The following TRIM15 variants were observed in gnomAD, a reference collection of about 807,000 sequenced individuals.
TRIM15 encodes E3 ubiquitin-protein ligase TRIM15.
TRIM15 carries 35 observed loss-of-function variants against 35.8 expected under a neutral mutation model. That is an observed-to-expected ratio of 0.98 (90% CI 0.75 to 1.30). The LOEUF (loss-of-function observed/expected upper bound fraction) is 1.30, where lower values mean the gene tolerates loss of function less well. TRIM15 is among the 50% of genes most tolerant of loss of function. The pLI is 0.00. For synonymous variants in TRIM15, 252 were observed against 249.8 expected, an observed-to-expected ratio of 1.01 and a Z score of -0.08; for missense variants, 590 against 593.5, an observed-to-expected ratio of 0.99 and a Z score of 0.06.
At position 30,171,934 on chromosome 6, in the gene TRIM15, GC is replaced by G; in HGVS notation, c.988del (p.Leu330CysfsTer43). Reference sequence around the variant, plus strand: ...CGGCAGAAGAAGAGCCTGCCAGACAGCCCCCTGCGCTTCGACGGCCTCCCGG... The same window carrying G: ...CGGCAGAAGAAGAGCCTGCCAGACAGCCCCTGCGCTTCGACGGCCTCCCGG... ...YTRQKKSLPD[S>X]PLRFDGLPAV... On this transcript the variant is annotated frameshift_variant, in exon 7 of 7. Transcript: ENST00000376694. LOFTEE classifies it low-confidence loss of function (END_TRUNC). 1.3e-6 allele frequency: 2 copies of G among 1,597,904 alleles called. No individual in the cohort carries two copies. The highest frequency in any genetic ancestry group is 1.7e-6 in the Non-Finnish European group (2 of 1,172,422).
intron 6 of TRIM15, among the ~76,000 whole-genome samples, chr6:30,171,566 T>C (rs2127462093): frequency 6.6e-6 from 1 of 152,278 alleles, no homozygotes; most frequent in Middle Eastern, 3.4e-3. Context: ...CAGATTCTGA[T>C]TTAGTAGGGT....
At chr6:30,164,683 C>T (rs1773457007) in intron 1 of TRIM15, among the ~76,000 whole-genome samples, 1 of 152,142 alleles carries the variant, frequency 6.6e-6, no homozygotes, top group Non-Finnish European at 1.5e-5. Flanking sequence ...CCAGGTTCTC[C>T]CTATCTCTTG....
chr6:30,167,273 T>C lies in TRIM15; in HGVS notation c.477+2T>C, dbSNP rs1396743758. 6.2e-7 allele frequency: 1 copy of C among 1,611,600 alleles called. No homozygotes were observed. Among genetic ancestry groups the C allele is most frequent in the South Asian group, 1.1e-5 (1 of 91,048 alleles). On this transcript the variant is annotated splice_donor_variant, in intron 2 of 6. Coordinates refer to ENST00000376694, the MANE Select transcript of TRIM15 (RefSeq NM_033229.3). LOFTEE classifies it high-confidence loss of function. Reference sequence around the variant, plus strand: ...GACCAGAAGCTTCAAGTGCTGCTGGTACAGGCCACGTCACTGGCTACCTTT... The same window carrying C: ...GACCAGAAGCTTCAAGTGCTGCTGGCACAGGCCACGTCACTGGCTACCTTT...
chr6:30,170,292 G>A (rs965163776), intron 4 of TRIM15: 2 of 544,528 alleles, frequency 3.7e-6, no homozygotes, highest in Middle Eastern at 4.1e-4. Flanking sequence ...CTTGAGAAGT[G>A]ATTATCCTTA....
At chr6:30,169,297 C>CTCAA (rs1410680912) in intron 4 of TRIM15, 34 bp downstream of exon 4, 1 of 1,612,920 alleles carries the variant, frequency 6.2e-7, no homozygotes, top group Non-Finnish European at 8.5e-7. Context: ...CCTCCTTTTA[C>CTCAA]TCAACATCAA....
chr6:30,170,401 C>T lies in TRIM15; in HGVS notation c.732-100C>T, dbSNP rs376513433. 252 of 699,556 alleles carry T rather than the reference C, an allele frequency of 3.6e-4. 18 individuals carry two copies. The highest frequency in any genetic ancestry group is 1.6e-3 in the East Asian group (62 of 39,214). The allele number at this position is 699,556 out of a possible 1,614,324, so 43.3% of individuals were successfully genotyped here. A position where few individuals can be genotyped will look rare whatever the true frequency, so the allele number is the denominator to read the frequency against. On this transcript the variant is annotated intron_variant, in intron 4 of 6. Transcript: ENST00000376694. ...ACTCAATTTCATTATTCACCACAGA[C>T]GCCAAGATCATTCTTTAGTCTGATT...
Position 30,163,794 on chromosome 6 carries a change from G to A in TRIM15, c.110G>A (p.Arg37Gln), listed in dbSNP as rs1167531225. 2 of 1,612,820 alleles carry A rather than the reference G, an allele frequency of 1.2e-6. No homozygotes were observed. Among genetic ancestry groups the A allele is most frequent in the Admixed American group, 1.7e-5 (1 of 59,992 alleles). ...ATTCCCTGTGGACACACCTTCTGCC[G>A]GCTCTGCCTCCCCGCGCTCTCCCAG... ...VTIPCGHTFC[R>Q]LCLPALSQMG... Residue 37 changes from arginine to glutamine, a missense_variant, in exon 1 of 7, where the codon CGG becomes CAG. Arg to Gln is a conservative substitution (Grantham distance 43, BLOSUM62 1). Transcript: ENST00000376694.
rs114362922 is a variant in TRIM15 at position 30,169,334 on chromosome 6, T to G, written c.731+71T>G. On this transcript the variant is annotated intron_variant, in intron 4 of 6. Coordinates refer to ENST00000376694, the MANE Select transcript of TRIM15 (RefSeq NM_033229.3). The stretch of plus-strand genomic sequence containing the variant: ...ACTGAATGGGAAGGGGCAGGGGCAC[T>G]TACTGCCACCCACTTTGCCAGGAAA... 1.3e-5 allele frequency: 21 copies of G among 1,576,526 alleles called. No homozygotes were observed. The African/African-American group carries it at 2.8e-4, about 21-fold the overall frequency.
chr6:30,168,718 A>G (rs542862116), intron 3 of TRIM15, 188 bp downstream of exon 3: 1 of 626,890 alleles, frequency 1.6e-6, no homozygotes, highest in South Asian at 1.9e-5. Context: ...TTAGGGTCAG[A>G]CAGTCTTGGA....
chr6:30,170,163 A>T (rs1214007006), intron 4 of TRIM15: 2 of 225,292 alleles, frequency 8.9e-6, no homozygotes, highest in African/African-American at 2.3e-5. Context: ...ACACAAGGGT[A>T]GTTTAAGGCT....
Position 30,164,052 on chromosome 6 carries a change from T to C in TRIM15, c.368T>C (p.Ile123Thr). The C allele has an allele frequency of 6.2e-7, 1 of 1,612,000 alleles. No homozygotes were observed. The highest frequency in any genetic ancestry group is 8.5e-7 in the Non-Finnish European group (1 of 1,179,296). ...AHTVGFLDEA[I>T]QPYRDRLRSR... is the part of the protein sequence containing the mutation. ...ACCGTGGGGTTCCTGGACGAGGCCA[T>C]TCAGCCCTACCGGGTAAGAAGTGTA... Residue 123 changes from isoleucine to threonine, a missense_variant, in exon 1 of 7, where the codon ATT becomes ACT. Coordinates refer to ENST00000376694, the MANE Select transcript of TRIM15 (RefSeq NM_033229.3).
rs776044620 is a variant in TRIM15, at chr6:30,169,281, G to A, written c.731+18G>A. ...CAGAGCAGGTAGGGCCCACTCCCCG[G>A]TCCTGCCTCCTTTTACTCAACATCA... On this transcript the variant is annotated intron_variant, in intron 4 of 6. Transcript: ENST00000376694. The A allele has an allele frequency of 2.8e-5, 45 of 1,612,952 alleles. No homozygotes were observed. The highest frequency in any genetic ancestry group is 3.6e-5 in the Non-Finnish European group (43 of 1,180,014).
At chr6:30,165,102 CCTTTT>C (rs1306699041) in intron 1 of TRIM15, among the ~76,000 whole-genome samples, 1 of 151,710 alleles carries the variant, frequency 6.6e-6, no homozygotes, top group African/African-American at 2.4e-5. Context: ...GGCACTAAGT[CCTTTT>C]CTTTTTTTTT....
Position 30,163,740 on chromosome 6 carries a change from GTGCGGGGCCGCTGGAGGA to G in TRIM15, c.62_79del (p.Gly21_Ala26del), listed in dbSNP as rs761765011. Reference sequence around the variant, plus strand: ...CATGAGCTGCCTGCCTGTACCCTCTGTGCGGGGCCGCTGGAGGATGCGGTGACCATTCCCTGTGGACAC... The same window carrying G: ...CATGAGCTGCCTGCCTGTACCCTCTGTGCGGTGACCATTCCCTGTGGACAC... On this transcript the variant is annotated inframe_deletion, in exon 1 of 7. Transcript: ENST00000376694. The G allele has an allele frequency of 6.2e-7, 1 of 1,612,996 alleles. No individual in the cohort carries two copies. The highest frequency in any genetic ancestry group is 1.7e-5 in the Admixed American group (1 of 60,028).
chr6:30,168,388 C>T lies in TRIM15; in HGVS notation c.566C>T (p.Ala189Val). ...GAGCAGCAGCGATGTCTCCTGCTGG[C>T]CAGGCTGAGGGAGCTGGAGCAGCAG... ...ELEQQRCLLLARLRELEQQIW... is the reference protein window; with the variant it reads ...ELEQQRCLLLVRLRELEQQIW... Residue 189 changes from alanine to valine, a missense_variant, in exon 3 of 7, where the codon GCC (alanine) becomes GTC (valine). Transcript: ENST00000376694. The T allele has an allele frequency of 1.2e-6, 2 of 1,612,816 alleles. No individual in the cohort carries two copies. The highest frequency in any genetic ancestry group is 1.7e-6 in the Non-Finnish European group (2 of 1,179,982).
At position 30,169,518 on chromosome 6, in the gene TRIM15, T is replaced by C. The variant is rs142524555; in HGVS notation, c.731+255T>C. On this transcript the variant is annotated intron_variant, in intron 4 of 6. Coordinates refer to ENST00000376694, the MANE Select transcript of TRIM15 (RefSeq NM_033229.3). Reference sequence around the variant, plus strand: ...AGTGAAGTTATAAATAATAATCATGTTTTTAGGTTGATCCAGGAACATTTA... The same window carrying C: ...AGTGAAGTTATAAATAATAATCATGCTTTTAGGTTGATCCAGGAACATTTA... 895 of 695,456 alleles carry C rather than the reference T, an allele frequency of 1.3e-3. 1 individual carries two copies. The highest frequency in any genetic ancestry group is 1.9e-3 in the Non-Finnish European group (719 of 381,122). The allele number at this position is 695,456 out of a possible 1,614,324, so 43.1% of individuals were successfully genotyped here.
chr6:30,164,027 A>C lies in TRIM15; in HGVS notation c.343A>C (p.Thr115Pro). Residue 115 changes from threonine to proline, a missense_variant, in exon 1 of 7, where the codon ACC (threonine) becomes CCC (proline). By Grantham distance (38) the Thr-to-Pro change is conservative. Coordinates refer to ENST00000376694, the MANE Select transcript of TRIM15 (RefSeq NM_033229.3). The stretch of plus-strand genomic sequence containing the variant: ...GGAGGGTCCCACGCACCAGGCGCAC[A>C]CCGTGGGGTTCCTGGACGAGGCCAT... ...CREGPTHQAH[T>P]VGFLDEAIQP... 1 of 1,612,982 alleles carries C rather than the reference A, an allele frequency of 6.2e-7. No homozygotes were observed. Among genetic ancestry groups the C allele is most frequent in the Non-Finnish European group, 8.5e-7 (1 of 1,179,946 alleles).
At chr6:30,164,481 C>T (rs1459546137) in intron 1 of TRIM15, among the ~76,000 whole-genome samples, 1 of 152,114 alleles carries the variant, frequency 6.6e-6, no homozygotes, top group Non-Finnish European at 1.5e-5. Context: ...GGAAGGGGAA[C>T]CTGCTAGCAC....
rs754750873 is a variant in TRIM15, at chr6:30,163,673, G to A, written c.-12G>A. 1 of 1,592,020 alleles carries A rather than the reference G, an allele frequency of 6.3e-7. No individual in the cohort carries two copies. Among genetic ancestry groups the A allele is most frequent in the Non-Finnish European group, 8.6e-7 (1 of 1,167,722 alleles). On this transcript the variant is annotated 5_prime_UTR_variant, in exon 1 of 7. Coordinates refer to ENST00000376694, the MANE Select transcript of TRIM15 (RefSeq NM_033229.3). ...AGGAGACCGGAGTGGACGGGCTGGGGAAGGCACCGTGATGCCCGCAACCCC... is the reference window on the plus strand; with the variant it reads ...AGGAGACCGGAGTGGACGGGCTGGGAAAGGCACCGTGATGCCCGCAACCCC...
Sources: allele counts gnomAD v4.1 joint callset (sites outside exome capture counted in the v4.1 genomes callset), GRCh38; gene constraint gnomAD v4.1.1; transcripts MANE v1.5; gene names NCBI Gene and HGNC (gene_info 2026-07-23, HGNC 2026-07-21).